Variants in SCIN observed in about 807,000 individuals in gnomAD.
SCIN encodes adseverin.
In SCIN, 91 loss-of-function variants were observed where a neutral mutation model predicts 91.8. The ratio of observed to expected loss-of-function variants is 0.99; its 90% CI spans 0.84 to 1.18. SCIN has a LOEUF of 1.18. SCIN is among the 50% of genes most tolerant of loss of function. The pLI is 0.00. For missense variants in SCIN, 1,087 were observed against 863.9 expected, an observed-to-expected ratio of 1.26 and a Z score of -3.24; for synonymous variants, 367 against 312.6, an observed-to-expected ratio of 1.17 and a Z score of -1.84.
chr7:12,626,053 C>G (rs932881802), intron 7 of SCIN: 1 of 518,158 alleles, frequency 1.9e-6, no homozygotes, highest in African/African-American at 2.0e-5. Flanking sequence ...ATCAGACTTT[C>G]CATAGAGCTG....
chr7:12,583,803 A>G (rs756247779), intron 3 of SCIN, among the ~76,000 whole-genome samples: 2 of 152,150 alleles, frequency 1.3e-5, no homozygotes, highest in Non-Finnish European at 2.9e-5. Context: ...ATAGGGACAG[A>G]GTCTCTATTA....
intron 12 of SCIN, 72 bp from the exon 13 acceptor site, chr7:12,644,512 T>A (rs1783919519): frequency 6.4e-7 from 1 of 1,571,566 alleles, no homozygotes; most frequent in Non-Finnish European, 8.6e-7. Context: ...TGAGATAATA[T>A]TTGTTCATAT....
At chr7:12,631,981 T>C (rs1463670049) in intron 9 of SCIN, among the ~76,000 whole-genome samples, 2 of 152,146 alleles carry the variant, frequency 1.3e-5, no homozygotes, top group Non-Finnish European at 2.9e-5. Context: ...AGGAGCCAAA[T>C]TGCAAATGGC....
rs182593832 is a variant in SCIN at position 12,604,189 on chromosome 7, G to C, written c.517-325G>C. 2.7e-3 allele frequency among the ~76,000 whole-genome samples: 412 copies of C among 151,982 alleles called. 3 individuals carry two copies. Among genetic ancestry groups the C allele is most frequent in the Non-Finnish European group, 6.6e-4 (45 of 67,934 alleles). ...TCATCAAGAGTATCATATTTTTACA[G>C]ATTCTTTACTACTTTTCTGAAGTGT... On this transcript the variant is annotated intron_variant, in intron 3 of 15. Coordinates refer to ENST00000297029, the MANE Select transcript of SCIN (RefSeq NM_001112706.3).
At chr7:12,627,993 T>G (rs113751197) in intron 8 of SCIN, among the ~76,000 whole-genome samples, 1,612 of 151,828 alleles carry the variant, frequency 0.011, 32 homozygotes, top group African/African-American at 0.036. Context: ...AAGCAAAGAG[T>G]CTGCCCTTCC....
chr7:12,605,551 A>G (rs1783063097), intron 4 of SCIN, among the ~76,000 whole-genome samples: 1 of 152,198 alleles, frequency 6.6e-6, no homozygotes, highest in Non-Finnish European at 1.5e-5. Context: ...TTTATGTTTC[A>G]CATACACCTT....
chr7:12,581,031 TTG>T, intron 2 of SCIN, 27 bp from the exon 3 acceptor site: 2 of 1,545,046 alleles, frequency 1.3e-6, no homozygotes, highest in South Asian at 1.2e-5. Flanking sequence ...TCTTTGTTTT[TTG>T]TGTGTCTGTC....
chr7:12,575,327 C>A (rs1782348562), intron 1 of SCIN, among the ~76,000 whole-genome samples: 1 of 148,232 alleles, frequency 6.7e-6, no homozygotes, highest in Non-Finnish European at 1.5e-5. Flanking sequence ...TCTTCATATT[C>A]AATTTGTATG....
chr7:12,612,084 C>T (rs1304644646), intron 4 of SCIN, among the ~76,000 whole-genome samples: 1 of 152,094 alleles, frequency 6.6e-6, no homozygotes, highest in Non-Finnish European at 1.5e-5. Flanking sequence ...TCTGAGTTAT[C>T]AGTTGGGTCT....
At chr7:12,577,548 G>A (rs1336450348) in intron 1 of SCIN, 1 of 456,242 alleles carries the variant, frequency 2.2e-6, no homozygotes, top group South Asian at 1.5e-5. Flanking sequence ...AAAGGAATTG[G>A]AAAAAGCAGA....
chr7:12,638,219 C>T (rs1252374519), intron 10 of SCIN, among the ~76,000 whole-genome samples: 1 of 152,178 alleles, frequency 6.6e-6, no homozygotes, highest in Admixed American at 6.5e-5. Flanking sequence ...TCTGCTTTCT[C>T]GTTCATTCTG....
rs1285660627 is a variant in SCIN, at chr7:12,644,658, C to T, written c.1834C>T (p.His612Tyr). 2 of 1,597,728 alleles carry T rather than the reference C, an allele frequency of 1.3e-6. No homozygotes were observed. The highest frequency in any genetic ancestry group is 2.7e-5 in the African/African-American group (2 of 74,608). Residue 612 changes from histidine (H) to tyrosine (Y), a missense_variant, in exon 13 of 16, where the codon CAT (histidine) becomes TAT (tyrosine). His to Tyr is a moderately conservative substitution (Grantham distance 83). Coordinates refer to ENST00000297029, the MANE Select transcript of SCIN (RefSeq NM_001112706.3). The stretch of plus-strand genomic sequence containing the variant: ...ACTACTGGAAACCCAGGCTGAAGAC[C>T]ATCCACCTCGGCTTTACGGCTGCTC... ...SPLLETQAEDHPPRLYGCSNK... is the reference protein window; with the variant it reads ...SPLLETQAEDYPPRLYGCSNK...
At position 12,636,180 on chromosome 7, in the gene SCIN, G is replaced by C. The variant is rs560030701; in HGVS notation, c.1410+45G>C. 6.2e-6 allele frequency: 9 copies of C among 1,447,514 alleles called. No individual in the cohort carries two copies. The African/African-American group carries it at 9.8e-5, about 16-fold the overall frequency. The allele number at this position is 1,447,514 out of a possible 1,614,324, so 89.7% of individuals were successfully genotyped here. ...CAAAACTCACACAAGTTAAAGTCTT[G>C]CTAGCTCAATGGATAGCTATAGCTC... On this transcript the variant is annotated intron_variant, in intron 10 of 15. Transcript: ENST00000297029.
At chr7:12,606,077 A>T (rs960472929) in intron 4 of SCIN, among the ~76,000 whole-genome samples, 6 of 152,214 alleles carry the variant, frequency 3.9e-5, no homozygotes, top group African/African-American at 9.6e-5. Context: ...ACGTATTCAC[A>T]AATTAATTTC....
intron 4 of SCIN, 68 bp downstream of exon 4, chr7:12,604,731 T>C (rs1337936726): frequency 2.1e-6 from 3 of 1,401,762 alleles, no homozygotes. Flanking sequence ...GTGGTGTGTG[T>C]GTGTGTGTAA....
chr7:12,618,132 C>T (rs1783336091), intron 4 of SCIN, among the ~76,000 whole-genome samples: 1 of 152,106 alleles, frequency 6.6e-6, no homozygotes, highest in African/African-American at 2.4e-5. Context: ...GGGCTGCACT[C>T]TGTGTCTGGC....
At chr7:12,610,237 G>A (rs1363567472) in intron 4 of SCIN, among the ~76,000 whole-genome samples, 9 of 152,190 alleles carry the variant, frequency 5.9e-5, no homozygotes. Flanking sequence ...ACAAAAGAAT[G>A]TATTCAGCCA....
At chr7:12,588,238 G>A (rs1439559999) in intron 3 of SCIN, among the ~76,000 whole-genome samples, 4 of 152,154 alleles carry the variant, frequency 2.6e-5, no homozygotes, top group Non-Finnish European at 4.4e-5. Flanking sequence ...TAAAAGTAGG[G>A]ATGAATGGCA....
chr7:12,576,358 G>T (rs1386534643), intron 1 of SCIN, among the ~76,000 whole-genome samples: 6 of 115,652 alleles, frequency 5.2e-5, no homozygotes, highest in Non-Finnish European at 1.2e-4. Context: ...CTACTGAGTT[G>T]TTTTTTTTTG....
Sources: gnomAD v4.1 joint callset for allele counts (sites outside exome capture counted in the v4.1 genomes callset) on GRCh38, gnomAD v4.1.1 for gene constraint, MANE v1.5 for transcripts, NCBI Gene and HGNC (gene_info 2026-07-23, HGNC 2026-07-21) for gene names.